OSBPL10: variants seen among roughly 807,000 people sequenced by gnomAD.
The protein encoded by OSBPL10 is oxysterol binding protein like 10, also known as oxysterol-binding protein-related protein 10.
A neutral mutation model predicts 81.7 loss-of-function variants in OSBPL10; 49 were observed. The observed-to-expected ratio is 0.60, with a 90% CI of 0.48 to 0.76. OSBPL10 has a LOEUF of 0.76. OSBPL10 is among the 30% of genes least tolerant of loss of function. The pLI is 0.00. For missense variants in OSBPL10, 923 were observed against 987.8 expected (o/e 0.93, Z 0.88); for synonymous variants, 419 against 383.6 (o/e 1.09, Z -1.08).
chr3:31,961,050 T>C (rs1308639591), intron 1 of OSBPL10, among the ~76,000 whole-genome samples: 1 of 10,354 alleles, frequency 9.7e-5, no homozygotes, highest in East Asian at 9.1e-3. Flanking sequence ...CTACAGCCTT[T>C]TTTTTTTTTT....
intron 2 of OSBPL10, among the ~76,000 whole-genome samples, chr3:32,041,683 A>T (rs1306618739): frequency 6.6e-6 from 1 of 150,554 alleles, no homozygotes; most frequent in Non-Finnish European, 1.5e-5. Context: ...TTTTTTTGAC[A>T]GAGTCTTGCT....
intron 1 of OSBPL10, among the ~76,000 whole-genome samples, chr3:31,932,783 A>C (rs1697285318): frequency 6.6e-6 from 1 of 152,144 alleles, no homozygotes; most frequent in Non-Finnish European, 1.5e-5. Flanking sequence ...TCAATATTTT[A>C]ATAGTTGTAA....
At chr3:31,927,088 G>A (rs1374496978) in intron 1 of OSBPL10, among the ~76,000 whole-genome samples, 1 of 152,138 alleles carries the variant, frequency 6.6e-6, no homozygotes, top group Non-Finnish European at 1.5e-5. Context: ...TCCAGCCTGG[G>A]TGACAGAGTG....
intron 3 of OSBPL10, among the ~76,000 whole-genome samples, chr3:31,833,708 C>CAT (rs1700303925): frequency 1.7e-5 from 2 of 117,254 alleles, no homozygotes; most frequent in South Asian, 4.6e-4. Flanking sequence ...CGCACACGCA[C>CAT]ACACACACAC....
chr3:32,003,368 A>C (rs1345751977), intron 2 of OSBPL10, among the ~76,000 whole-genome samples: 1 of 152,210 alleles, frequency 6.6e-6, no homozygotes, highest in African/African-American at 2.4e-5. Context: ...AGTTCCCCCG[A>C]GGTTTCCTAA....
At chr3:31,998,306 C>T (rs1287436112) in intron 2 of OSBPL10, among the ~76,000 whole-genome samples, 2 of 152,108 alleles carry the variant, frequency 1.3e-5, no homozygotes, top group Non-Finnish European at 2.9e-5. Context: ...AAAGTATACT[C>T]CCCATCAGCA....
intron 1 of OSBPL10, among the ~76,000 whole-genome samples, chr3:32,074,186 T>G (rs1699855509): frequency 6.6e-6 from 1 of 152,150 alleles, no homozygotes; most frequent in Admixed American, 6.6e-5. Flanking sequence ...CCTGAGGAAC[T>G]TCTTTACTTT....
chr3:32,012,476 C>T (rs950377220), intron 2 of OSBPL10, among the ~76,000 whole-genome samples: 1 of 152,188 alleles, frequency 6.6e-6, no homozygotes, highest in African/African-American at 2.4e-5. Context: ...CAGTATCAGC[C>T]ACTGCAAAAA....
At chr3:31,813,800 T>G (rs1699769384) in intron 4 of OSBPL10, among the ~76,000 whole-genome samples, 1 of 152,138 alleles carries the variant, frequency 6.6e-6, no homozygotes. Context: ...AGCCCGGGTG[T>G]CCTCATCTGT....
intron 1 of OSBPL10, among the ~76,000 whole-genome samples, chr3:31,898,436 CA>C (rs750881286): frequency 1.7e-4 from 26 of 152,088 alleles, no homozygotes; most frequent in Admixed American, 3.3e-4. Context: ...AAAACACTCT[CA>C]GGATGGGTAA....
chr3:31,964,002 TTTCCAAAGCAC>T (rs1371410675), intron 1 of OSBPL10, among the ~76,000 whole-genome samples: 2 of 152,048 alleles, frequency 1.3e-5, no homozygotes, highest in East Asian at 3.9e-4. Context: ...CAAAGCAATA[TTTCCAAAGCAC>T]ATCCAAACCA....
intron 6 of OSBPL10, chr3:31,714,906 G>A (rs1168434919): frequency 1.4e-5 from 2 of 143,304 alleles, no homozygotes; most frequent in African/African-American, 2.6e-5. Context: ...TTCTTCCCCA[G>A]ACACCCACTG....
Position 31,930,030 on chromosome 3 carries a change from G to C in OSBPL10, c.282-50200C>G, listed in dbSNP as rs867148533. 1.4e-4 allele frequency among the ~76,000 whole-genome samples: 16 copies of C among 114,432 alleles called. 1 individual carries two copies. Among genetic ancestry groups the C allele is most frequent in the Middle Eastern group, 5.5e-3 (1 of 182 alleles). 75.1% of individuals were successfully genotyped at this position (114,432 alleles called of 152,430 possible). A position where few individuals can be genotyped will look rare whatever the true frequency, so the allele number is the denominator to read the frequency against. The stretch of plus-strand genomic sequence containing the variant: ...AAAAAAAAAAAAAAAAAAAAAACAG[G>C]TGTGGTGGCCTACGCCTGTAATACC... On this transcript the variant is annotated intron_variant, in intron 1 of 11. Coordinates refer to ENST00000396556, the MANE Select transcript of OSBPL10 (RefSeq NM_017784.5).
intron 4 of OSBPL10, among the ~76,000 whole-genome samples, chr3:31,757,325 A>C (rs1697916755): frequency 6.6e-6 from 1 of 152,136 alleles, no homozygotes; most frequent in Admixed American, 6.5e-5. Context: ...TGGGCCAGGA[A>C]TAGTGGCTCA....
chr3:31,865,564 A>C lies in OSBPL10; in HGVS notation c.537+10869T>G, dbSNP rs187489319. On this transcript the variant is annotated intron_variant, in intron 3 of 11. Coordinates refer to ENST00000396556, the MANE Select transcript of OSBPL10 (RefSeq NM_017784.5). ...AGATCCTAACCCCCAAGTTGATAGCATTAGGAGGTGGGCCTTTGGGAGGTG... is the reference window on the plus strand; with the variant it reads ...AGATCCTAACCCCCAAGTTGATAGCCTTAGGAGGTGGGCCTTTGGGAGGTG... Among the ~76,000 whole-genome samples, 110 of 152,280 alleles carry C rather than the reference A, an allele frequency of 7.2e-4. 2 individuals are homozygous for C. The highest frequency in any genetic ancestry group is 6.6e-3 in the Admixed American group (101 of 15,298).
In OSBPL10 at chr3:31,965,644, A is replaced by AATTATATATTATATAATATATTATAT. The variant is rs1698341014; in HGVS notation, c.281+15254_281+15255insATATAATATATTATATAATATATAAT. ...TATATATTATATAATATATTATATA[A>AATTATATATTATATAATATATTATAT]ATTATATATTATATATTATATATTT... On this transcript the variant is annotated intron_variant, in intron 1 of 11. Coordinates refer to ENST00000396556, the MANE Select transcript of OSBPL10 (RefSeq NM_017784.5). Among the ~76,000 whole-genome samples, 4 of 61,778 alleles carry AATTATATATTATATAATATATTATAT rather than the reference A, an allele frequency of 6.5e-5. 1 individual carries two copies. The highest frequency in any genetic ancestry group is 1.0e-4 in the Non-Finnish European group (4 of 38,616). 40.5% of individuals were successfully genotyped at this position (61,778 alleles called of 152,430 possible).
chr3:31,840,091 A>T (rs2125552427), intron 3 of OSBPL10, among the ~76,000 whole-genome samples: 1 of 151,686 alleles, frequency 6.6e-6, no homozygotes, highest in African/African-American at 2.4e-5. Context: ...GTCTCATTGT[A>T]ATCGACCCAG....
Position 31,809,869 on chromosome 3 carries a change from C to CTTTTTTTTTTTT in OSBPL10, c.729+20159_729+20170dup, listed in dbSNP as rs34795137. 7.7e-4 allele frequency among the ~76,000 whole-genome samples: 76 copies of CTTTTTTTTTTTT among 98,606 alleles called. 5 individuals are homozygous for CTTTTTTTTTTTT. Among genetic ancestry groups the CTTTTTTTTTTTT allele is most frequent in the African/African-American group, 2.6e-3 (48 of 18,416 alleles). 64.7% of individuals were successfully genotyped at this position (98,606 alleles called of 152,430 possible). On this transcript the variant is annotated intron_variant, in intron 4 of 11. Transcript: ENST00000396556. ...AAATGTCAATGGGTGCCCCCTGACTCTTTTTTTTTTTTTTTTTTTGAGATG... is the reference window on the plus strand; with the variant it reads ...AAATGTCAATGGGTGCCCCCTGACTCTTTTTTTTTTTTTTTTTTTTTTTTTTTTTTTGAGATG...
In OSBPL10 at chr3:31,800,816, T is replaced by C. The variant is rs565028041; in HGVS notation, c.729+29224A>G. On this transcript the variant is annotated intron_variant, in intron 4 of 11. Transcript: ENST00000396556. Reference sequence around the variant, plus strand: ...GAGACACAGAAATTATATAAGTCTATCAGAAGAAAAATGTCATCAGAATAA... The same window carrying C: ...GAGACACAGAAATTATATAAGTCTACCAGAAGAAAAATGTCATCAGAATAA... Among the ~76,000 whole-genome samples the C allele has an allele frequency of 2.3e-3, 357 of 152,358 alleles. 1 individual carries two copies. The highest frequency in any genetic ancestry group is 3.7e-3 in the Non-Finnish European group (252 of 68,036).
Sources: gnomAD v4.1 joint callset for allele counts (sites outside exome capture counted in the v4.1 genomes callset) on GRCh38, gnomAD v4.1.1 for gene constraint, MANE v1.5 for transcripts, NCBI Gene and HGNC (gene_info 2026-07-23, HGNC 2026-07-21) for gene names.